VCL: variants seen among roughly 807,000 people sequenced by gnomAD.
VCL encodes the protein epididymis luminal protein 114.
Under a neutral mutation model 125.7 loss-of-function variants are expected in VCL, and 47 were observed. That is an observed-to-expected ratio of 0.37 (90% CI 0.30 to 0.48). VCL has a LOEUF of 0.48. VCL is among the 20% of genes least tolerant of loss of function. VCL has a pLI of 0.99. For synonymous variants in VCL, 458 were observed against 514.6 expected, an observed-to-expected ratio of 0.89 and a Z score of 1.49; for missense variants, 1,069 against 1,455.5, an observed-to-expected ratio of 0.73 and a Z score of 4.32.
chr10:74,060,655 C>CA (rs11398822), intron 2 of VCL, among the ~76,000 whole-genome samples: 74,539 of 109,048 alleles, frequency 0.68, 24,029 homozygotes, highest in African/African-American at 0.73. Flanking sequence ...GACTCTGTCT[C>CA]AAAAAAAAAA....
chr10:74,099,892 G>C (rs572065832), intron 13 of VCL, among the ~76,000 whole-genome samples: 44 of 152,306 alleles, frequency 2.9e-4, no homozygotes, highest in Admixed American at 4.6e-4. Context: ...GCGTGGGGAA[G>C]AGACTTGAGA....
intron 18 of VCL, among the ~76,000 whole-genome samples, chr10:74,111,628 G>T (rs1014843392): frequency 6.6e-6 from 1 of 152,148 alleles, no homozygotes; most frequent in Non-Finnish European, 1.5e-5. Context: ...TAAAGAAATG[G>T]ATGCCACTTG....
At position 74,097,211 on chromosome 10, in the gene VCL, A is replaced by G; in HGVS notation, c.1751A>G (p.Lys584Arg). The part of the protein sequence containing the change: ...SQLQDSLKDL[K>R]ARMQEAMTQE... ...GTAAACAATGTTTTTAAGGATCTAA[A>G]AGCTCGGATGCAGGAGGCCATGACT... Residue 584 changes from lysine to arginine, a missense_variant, in exon 13 of 22, where the codon AAA becomes AGA. Transcript: ENST00000211998. The surrounding 1 kb of genome is among the most constrained non-coding windows in gnomAD (Gnocchi z 4.1). 1.2e-6 allele frequency: 2 copies of G among 1,613,920 alleles called. No homozygotes were observed. The highest frequency in any genetic ancestry group is 2.2e-5 in the South Asian group (2 of 91,070).
intron 1 of VCL, among the ~76,000 whole-genome samples, chr10:74,009,314 A>G (rs1840378337): frequency 6.9e-6 from 1 of 144,872 alleles, no homozygotes; most frequent in Non-Finnish European, 1.5e-5. Flanking sequence ...GCTGGAGTGC[A>G]GTGGCGCCAT....
At chr10:74,031,767 A>G (rs1432340332) in intron 1 of VCL, among the ~76,000 whole-genome samples, 2 of 152,002 alleles carry the variant, frequency 1.3e-5, no homozygotes, top group African/African-American at 4.8e-5. Context: ...AAAAATACTA[A>G]AAATTAGCCG....
chr10:74,017,575 CAG>C (rs1840574293), intron 1 of VCL, among the ~76,000 whole-genome samples: 1 of 145,648 alleles, frequency 6.9e-6, no homozygotes, highest in Non-Finnish European at 1.5e-5. Flanking sequence ...TTTTTTGAGA[CAG>C]GGTCTGGTTT....
Position 74,083,460 on chromosome 10 carries a change from A to G in VCL, c.969A>G (p.Gly323=). 1 of 1,614,098 alleles carries G rather than the reference A, an allele frequency of 6.2e-7. No homozygotes were observed. Among genetic ancestry groups the G allele is most frequent in the Non-Finnish European group, 8.5e-7 (1 of 1,179,972 alleles). The change falls in exon 8 of 22, where the codon GGA becomes GGG. Residue 323 remains glycine, a synonymous_variant. Coordinates refer to ENST00000211998, the MANE Select transcript of VCL (RefSeq NM_014000.3). ...GCAAAGAACGCAGGGAGATTCTGGG[A>G]ACTTGCAAAATGCTAGGGCAGATGA... ...CAGKERREIL[G]TCKMLGQMTD... is the part of the protein sequence containing the mutation.
At chr10:74,058,291 TC>T (rs1223406085) in intron 2 of VCL, among the ~76,000 whole-genome samples, 1 of 152,194 alleles carries the variant, frequency 6.6e-6, no homozygotes, top group Non-Finnish European at 1.5e-5. Context: ...CTCCCAAGTG[TC>T]GTCGTAGCCT....
rs577723576 is a variant in VCL at position 74,020,708 on chromosome 10, G to A, written c.168+22333G>A. Among the ~76,000 whole-genome samples the A allele has an allele frequency of 6.6e-5, 10 of 152,046 alleles. No homozygotes were observed. In the South Asian group the frequency reaches 2.1e-3, roughly 32 times the overall value. On this transcript the variant is annotated intron_variant, in intron 1 of 21. Transcript: ENST00000211998. ...ATACAAAAATTAGGTGGGCATGGTG[G>A]TGCACACCTGTAGTCCCAGCTACTC...
chr10:74,007,685 AG>A lies in VCL; in HGVS notation c.168+9313del, dbSNP rs545570311. 1.3e-4 allele frequency among the ~76,000 whole-genome samples: 20 copies of A among 150,948 alleles called. 1 individual carries two copies. The South Asian group carries it at 4.0e-3, about 30-fold the overall frequency. ...TAATTTTTGTATTTTTAGTAGAGAC[AG>A]GGTTTTACCATGTTGGTCAGGTTGG... On this transcript the variant is annotated intron_variant, in intron 1 of 21. Transcript: ENST00000211998.
intron 1 of VCL, among the ~76,000 whole-genome samples, chr10:74,023,584 A>G (rs1280524915): frequency 1.3e-5 from 2 of 152,234 alleles, no homozygotes; most frequent in Admixed American, 1.3e-4. Context: ...GGAATAAGTT[A>G]TCTGAGATGG....
intron 1 of VCL, among the ~76,000 whole-genome samples, chr10:74,009,587 T>C (rs969529118): frequency 2.6e-5 from 4 of 151,788 alleles, no homozygotes; most frequent in Admixed American, 1.3e-4. Context: ...GGAATTGTTA[T>C]GGAAAGGAAA....
intron 1 of VCL, among the ~76,000 whole-genome samples, chr10:74,025,407 A>C (rs1840751913): frequency 1.3e-5 from 2 of 151,892 alleles, no homozygotes; most frequent in South Asian, 4.2e-4. Context: ...TGAGGCCAGG[A>C]GTTTGAGACC....
At chr10:74,102,516 C>A (rs538355856) in intron 14 of VCL, among the ~76,000 whole-genome samples, 1 of 152,050 alleles carries the variant, frequency 6.6e-6, no homozygotes, top group African/African-American at 2.4e-5. Context: ...ATGATACATT[C>A]GAAACTATGC....
chr10:74,017,046 C>CTTTT (rs549275362), intron 1 of VCL, among the ~76,000 whole-genome samples: 1 of 113,168 alleles, frequency 8.8e-6, no homozygotes, highest in African/African-American at 4.1e-5. Context: ...AATTTCCTTC[C>CTTTT]TTTTTTTTTT....
rs1430469670 is a variant in VCL, at chr10:74,118,854, A to C, written c.*685A>C. 1 of 155,912 alleles carries C rather than the reference A, an allele frequency of 6.4e-6. No homozygotes were observed. The highest frequency in any genetic ancestry group is 1.9e-4 in the East Asian group (1 of 5,264). The allele number at this position is 155,912 out of a possible 1,614,324, so 9.7% of individuals were successfully genotyped here. A position where few individuals can be genotyped will look rare whatever the true frequency, so the allele number is the denominator to read the frequency against. On this transcript the variant is annotated 3_prime_UTR_variant, in exon 22 of 22. Coordinates refer to ENST00000211998, the MANE Select transcript of VCL (RefSeq NM_014000.3). ...CAGGAAGAAATCACAGAATCATATG[A>C]TTCTGCTTTTACCATGCCCCTGAGC...
Position 74,119,897 on chromosome 10 carries a change from A to G in VCL, c.*1728A>G, listed in dbSNP as rs1432882926. 2 of 152,600 alleles carry G rather than the reference A, an allele frequency of 1.3e-5. No individual in the cohort carries two copies. Among genetic ancestry groups the G allele is most frequent in the African/African-American group, 4.8e-5 (2 of 41,444 alleles). The allele number at this position is 152,600 out of a possible 1,614,324, so 9.5% of individuals were successfully genotyped here. A position where few individuals can be genotyped will look rare whatever the true frequency, so the allele number is the denominator to read the frequency against. ...TAAAGAAAGATTACTTAGAGGAAAT[A>G]AGAAAAATCATGTTTGCTCTCCCGG... On this transcript the variant is annotated 3_prime_UTR_variant, in exon 22 of 22. Coordinates refer to ENST00000211998, the MANE Select transcript of VCL (RefSeq NM_014000.3).
At chr10:74,027,624 T>A (rs573460147) in intron 1 of VCL, 9 of 119,956 alleles carry the variant, frequency 7.5e-5, no homozygotes, top group African/African-American at 3.0e-4. Flanking sequence ...CCAGCCTGGG[T>A]GACAGAGCGA....
chr10:74,052,998 A>G (rs1841334206), intron 2 of VCL, among the ~76,000 whole-genome samples: 1 of 150,648 alleles, frequency 6.6e-6, no homozygotes, highest in Non-Finnish European at 1.5e-5. Flanking sequence ...ATATTTTAAA[A>G]GGATTTTGCA....
Sources: allele counts gnomAD v4.1 joint callset (sites outside exome capture counted in the v4.1 genomes callset), GRCh38; gene constraint gnomAD v4.1.1; non-coding constraint Gnocchi (gnomAD v3.1); transcripts MANE v1.5; gene names NCBI Gene and HGNC (gene_info 2026-07-23, HGNC 2026-07-21).